ZNF423: variants seen among roughly 807,000 people sequenced by gnomAD.
ZNF423 encodes the protein Ebf-associated zinc finger protein.
A neutral mutation model predicts 95.8 loss-of-function variants in ZNF423; 12 were observed. That is an observed-to-expected ratio of 0.13 (90% CI 0.08 to 0.20). The LOEUF (loss-of-function observed/expected upper bound fraction) is 0.20. Ranked by LOEUF, ZNF423 falls within the 10% of genes least tolerant of loss-of-function variation. The pLI is 1.00. For synonymous variants in ZNF423, 749 were observed against 711.9 expected, an observed-to-expected ratio of 1.05 and a Z score of -0.83; for missense variants, 1,316 against 1,737.1, an observed-to-expected ratio of 0.76 and a Z score of 4.31.
chr16:49,712,571 A>ATCCC (rs2032577089), intron 3 of ZNF423, among the ~76,000 whole-genome samples: 3 of 152,234 alleles, frequency 2.0e-5, no homozygotes, highest in Non-Finnish European at 4.4e-5. Context: ...TCCTGAATGC[A>ATCCC]TCCCTCGCTA....
At chr16:49,535,801 T>C (rs1038326237) in intron 5 of ZNF423, among the ~76,000 whole-genome samples, 3 of 152,198 alleles carry the variant, frequency 2.0e-5, no homozygotes, top group Admixed American at 1.3e-4. Flanking sequence ...TATTCTTTCT[T>C]AACTCATCAA....
At chr16:49,675,216 C>T (rs773442916) in intron 3 of ZNF423, among the ~76,000 whole-genome samples, 2 of 152,194 alleles carry the variant, frequency 1.3e-5, no homozygotes, top group African/African-American at 2.4e-5. Flanking sequence ...TGTTGACTCA[C>T]TCATGTACAG....
At chr16:49,503,863 G>C (rs138127876) in intron 7 of ZNF423, among the ~76,000 whole-genome samples, 619 of 152,328 alleles carry the variant, frequency 4.1e-3, no homozygotes, top group Non-Finnish European at 6.8e-3. Flanking sequence ...TCCACTGATA[G>C]GGTCAAGGGA....
At chr16:49,680,486 A>C (rs2031305547) in intron 3 of ZNF423, among the ~76,000 whole-genome samples, 1 of 152,252 alleles carries the variant, frequency 6.6e-6, no homozygotes, top group African/African-American at 2.4e-5. Flanking sequence ...GAAGGACAGA[A>C]GAGCTGCAGC....
intron 3 of ZNF423, among the ~76,000 whole-genome samples, chr16:49,675,256 T>G (rs1447142133): frequency 6.6e-6 from 1 of 152,192 alleles, no homozygotes; most frequent in Non-Finnish European, 1.5e-5. Context: ...GTATAAGCTC[T>G]GTAGTTGGTG....
At chr16:49,800,041 C>T (rs544230784) in intron 1 of ZNF423, among the ~76,000 whole-genome samples, 7 of 152,230 alleles carry the variant, frequency 4.6e-5, no homozygotes, top group Non-Finnish European at 8.8e-5. Flanking sequence ...GCTAGGAGTT[C>T]GAGACCAGCC....
In ZNF423 at chr16:49,700,409, C is replaced by T. The variant is rs576316253; in HGVS notation, c.301+30362G>A. Among the ~76,000 whole-genome samples the T allele has an allele frequency of 5.9e-5, 9 of 152,292 alleles. No homozygotes were observed. The East Asian group carries it at 1.5e-3, about 26-fold the overall frequency. ...CCTGCTGGGAGCAGAAAAGGCCCCT[C>T]CTGAGGTCTGCTCATGGCCCACAGC... On this transcript the variant is annotated intron_variant, in intron 3 of 7. Coordinates refer to ENST00000563137, the MANE Select transcript of ZNF423 (RefSeq NM_001379286.1).
At chr16:49,644,480 C>A (rs561803330) in intron 3 of ZNF423, among the ~76,000 whole-genome samples, 6 of 147,962 alleles carry the variant, frequency 4.1e-5, no homozygotes, top group African/African-American at 1.0e-4. Flanking sequence ...TATAGCAAGA[C>A]CCTGTCTCTT....
At chr16:49,712,126 A>AAAT (rs1232333059) in intron 3 of ZNF423, among the ~76,000 whole-genome samples, 2 of 152,204 alleles carry the variant, frequency 1.3e-5, no homozygotes, top group African/African-American at 4.8e-5. Flanking sequence ...CTATTTAAAA[A>AAAT]AATAATAATA....
intron 3 of ZNF423, among the ~76,000 whole-genome samples, chr16:49,662,118 G>T (rs963085483): frequency 6.6e-6 from 1 of 152,120 alleles, no homozygotes; most frequent in Non-Finnish European, 1.5e-5. Context: ...CCACTCCCAG[G>T]TTACCCTTCT....
chr16:49,606,052 T>A (rs1180863265), intron 5 of ZNF423, among the ~76,000 whole-genome samples: 1 of 152,156 alleles, frequency 6.6e-6, no homozygotes, highest in African/African-American at 2.4e-5. Context: ...CACAGCCGCG[T>A]GCACCTGCAG....
intron 5 of ZNF423, among the ~76,000 whole-genome samples, chr16:49,591,740 C>CCAAACA (rs1419699711): frequency 6.6e-6 from 1 of 152,132 alleles, no homozygotes; most frequent in Non-Finnish European, 1.5e-5. Context: ...GCATTGGAAA[C>CCAAACA]CAAACACAAG....
intron 3 of ZNF423, among the ~76,000 whole-genome samples, chr16:49,693,485 C>G (rs2031863404): frequency 6.6e-6 from 1 of 152,204 alleles, no homozygotes; most frequent in Non-Finnish European, 1.5e-5. Flanking sequence ...ATGCTCCATG[C>G]TTTTCAGCCT....
chr16:49,797,368 G>C (rs751973215), intron 1 of ZNF423, among the ~76,000 whole-genome samples: 8 of 152,140 alleles, frequency 5.3e-5, no homozygotes, highest in Non-Finnish European at 7.3e-5. Flanking sequence ...CCTGGTGCAG[G>C]GCTGTGAATG....
intron 7 of ZNF423, among the ~76,000 whole-genome samples, chr16:49,503,066 C>T (rs931204801): frequency 2.0e-5 from 3 of 151,692 alleles, no homozygotes; most frequent in Non-Finnish European, 4.4e-5. Flanking sequence ...CGAATCCCCC[C>T]CCAGAAACAC....
intron 3 of ZNF423, among the ~76,000 whole-genome samples, chr16:49,697,601 G>A (rs1596874440): frequency 6.6e-6 from 1 of 152,054 alleles, no homozygotes. Flanking sequence ...GAAATTTTTT[G>A]GAGTGTTTTA....
In ZNF423 at chr16:49,503,502, C is replaced by T. The variant is rs184864635; in HGVS notation, c.3850-12198G>A. Among the ~76,000 whole-genome samples, 703 of 152,260 alleles carry T rather than the reference C, an allele frequency of 4.6e-3. 7 individuals are homozygous for T. Among genetic ancestry groups the T allele is most frequent in the Non-Finnish European group, 7.6e-3 (517 of 68,020 alleles). On this transcript the variant is annotated intron_variant, in intron 7 of 7. Coordinates refer to ENST00000563137, the MANE Select transcript of ZNF423 (RefSeq NM_001379286.1). ...GCAGCCCGGAAGCCCCTCCCCCTCC[C>T]AGCAGCACTCCCGCTATCCAGAGTG... is the stretch of plus-strand genomic sequence containing the variant.
intron 3 of ZNF423, among the ~76,000 whole-genome samples, chr16:49,684,251 A>G (rs894225781): frequency 3.3e-5 from 5 of 152,200 alleles, no homozygotes; most frequent in South Asian, 2.1e-4. Context: ...TCAGGAAAAT[A>G]GGGTGTTTGG....
At chr16:49,623,361 T>C (rs1468204391) in intron 5 of ZNF423, among the ~76,000 whole-genome samples, 1 of 152,072 alleles carries the variant, frequency 6.6e-6, no homozygotes, top group Non-Finnish European at 1.5e-5. Context: ...TTCCCACAAC[T>C]CTAGTTAAGA....
Sources: allele counts gnomAD v4.1 joint callset (sites outside exome capture counted in the v4.1 genomes callset), GRCh38; gene constraint gnomAD v4.1.1; transcripts MANE v1.5; gene names NCBI Gene and HGNC (gene_info 2026-07-23, HGNC 2026-07-21).